SNW1: variants seen among roughly 807,000 people sequenced by gnomAD.
SNW1 encodes SNW domain containing 1.
A neutral mutation model predicts 75.6 loss-of-function variants in SNW1; 9 were observed. That is an observed-to-expected ratio of 0.12 (90% confidence interval 0.07 to 0.21). SNW1 has a LOEUF of 0.21. Ranked by LOEUF, SNW1 falls within the 10% of genes least tolerant of loss-of-function variation. The pLI is 1.00. For missense variants in SNW1, 409 were observed against 670.9 expected (o/e 0.61, Z 4.31); for synonymous variants, 200 against 219.1 (o/e 0.91, Z 0.77).
intron 1 of SNW1, among the ~76,000 whole-genome samples, chr14:77,757,789 A>G (rs2080852657): frequency 6.6e-6 from 1 of 152,162 alleles, no homozygotes; most frequent in Non-Finnish European, 1.5e-5. Context: ...TAAATGTTGT[A>G]GGAGAAATAA....
intron 6 of SNW1, 105 bp downstream of exon 6, chr14:77,736,866 C>T: frequency 2.6e-6 from 2 of 780,176 alleles, no homozygotes; most frequent in Admixed American, 4.1e-5. Flanking sequence ...TAAATGGAAT[C>T]ATACTGTATG....
At chr14:77,736,334 C>T (rs10141070) in intron 6 of SNW1, among the ~76,000 whole-genome samples, 7,848 of 152,118 alleles carry the variant, frequency 0.052, 280 homozygotes, top group South Asian at 0.13. Flanking sequence ...GATCGCCTGA[C>T]GTCAGGAGAT....
At position 77,718,484 on chromosome 14, in the gene SNW1, A is replaced by G; in HGVS notation, c.1295T>C (p.Val432Ala). ...FAGGEDEIYN[V>A]YDQAWRGGKD... Reference sequence around the variant, plus strand: ...ACCACCTCTCCAGGCTTGATCATAAACATTATAAATTTCATCTTCTCCACC... The same window carrying G: ...ACCACCTCTCCAGGCTTGATCATAAGCATTATAAATTTCATCTTCTCCACC... Residue 432 changes from valine (V) to alanine (A), a missense_variant, in exon 13 of 14, where the codon GTT becomes GCT. By Grantham distance (64) the Val-to-Ala change is moderately conservative. Coordinates refer to ENST00000261531, the MANE Select transcript of SNW1 (RefSeq NM_012245.3). 6.2e-7 allele frequency: 1 copy of G among 1,613,806 alleles called. No individual in the cohort carries two copies. Among genetic ancestry groups the G allele is most frequent in the Non-Finnish European group, 8.5e-7 (1 of 1,179,820 alleles).
At position 77,732,404 on chromosome 14, in the gene SNW1, A is replaced by G. The variant is rs183843519; in HGVS notation, c.891+81T>C. ...ACTCTCTTTGGGTGCTCGGTACTAT[A>G]GTTAAATTATCAGTACCTTAGGTAA... is the stretch of plus-strand genomic sequence containing the variant. On this transcript the variant is annotated intron_variant, in intron 9 of 13. Coordinates refer to ENST00000261531, the MANE Select transcript of SNW1 (RefSeq NM_012245.3). The G allele has an allele frequency of 9.1e-4, 741 of 812,056 alleles. 1 individual carries two copies. The highest frequency in any genetic ancestry group is 1.1e-3 in the Non-Finnish European group (530 of 473,696). The allele number at this position is 812,056 out of a possible 1,614,324, so 50.3% of individuals were successfully genotyped here.
chr14:77,723,250 T>A lies in SNW1; in HGVS notation c.1061A>T (p.Glu354Val), dbSNP rs2080557875. 6.2e-7 allele frequency: 1 copy of A among 1,614,034 alleles called. No individual in the cohort carries two copies. Among genetic ancestry groups the A allele is most frequent in the Non-Finnish European group, 8.5e-7 (1 of 1,180,036 alleles). Reference protein sequence around the residue: ...KEDGEARERDEIRHDRRKERQ... With the variant: ...KEDGEARERDVIRHDRRKERQ... ...CTCTTTTCGCCTGTCATGCCGGATT[T>A]CATCCCTCTCACGTGCCTCCCCATC... Residue 354 changes from glutamate (E) to valine (V), a missense_variant, in exon 11 of 14, where the codon GAA (glutamate) becomes GTA (valine). Physicochemically the swap from Glu to Val is moderately radical, Grantham distance 121. Coordinates refer to ENST00000261531, the MANE Select transcript of SNW1 (RefSeq NM_012245.3).
chr14:77,757,785 T>C (rs748983902), intron 1 of SNW1, among the ~76,000 whole-genome samples: 1 of 152,154 alleles, frequency 6.6e-6, no homozygotes, highest in Non-Finnish European at 1.5e-5. Context: ...TCCTTAAATG[T>C]TGTAGGAGAA....
chr14:77,723,037 C>T, intron 11 of SNW1, 144 bp downstream of exon 11: 2 of 661,612 alleles, frequency 3.0e-6, no homozygotes, highest in African/African-American at 3.6e-5. Flanking sequence ...TTAGTAGACA[C>T]AGGGTTTCAT....
At position 77,724,307 on chromosome 14, in the gene SNW1, ATTTG is replaced by A. The variant is rs745449941; in HGVS notation, c.1034-1034_1034-1031del. Among the ~76,000 whole-genome samples the A allele has an allele frequency of 7.9e-5, 12 of 152,348 alleles. No individual in the cohort carries two copies. In the East Asian group the frequency reaches 9.6e-4, roughly 12 times the overall value. On this transcript the variant is annotated intron_variant, in intron 10 of 13. Transcript: ENST00000261531. ...AATTAGGATATCCATCACCTCAAAC[ATTTG>A]TTTGTGTTGGGAACATTCTAAATCT...
At chr14:77,724,318 T>C (rs915442875) in intron 10 of SNW1, among the ~76,000 whole-genome samples, 1 of 152,260 alleles carries the variant, frequency 6.6e-6, no homozygotes, top group Non-Finnish European at 1.5e-5. Context: ...TTTGTTTGTG[T>C]TGGGAACATT....
intron 8 of SNW1, 118 bp from the exon 9 acceptor site, chr14:77,732,719 C>T: frequency 1.5e-6 from 1 of 650,612 alleles, no homozygotes; most frequent in South Asian, 1.8e-5. Flanking sequence ...GGCTGGAGGG[C>T]AGGGGTGCCA....
At chr14:77,729,301 T>C (rs576258497) in intron 10 of SNW1, among the ~76,000 whole-genome samples, 1 of 152,344 alleles carries the variant, frequency 6.6e-6, no homozygotes, top group African/African-American at 2.4e-5. Context: ...CCTTCCCAAC[T>C]GCTTAGGATA....
At chr14:77,737,130 A>G (rs897075548) in intron 5 of SNW1, 55 bp from the exon 6 acceptor site, 2 of 1,254,068 alleles carry the variant, frequency 1.6e-6, no homozygotes, top group Non-Finnish European at 2.3e-6. Context: ...TTCAGTAGGT[A>G]TTTTCCTTCT....
At chr14:77,738,915 G>A in intron 4 of SNW1, 31 bp from the exon 5 acceptor site, 1 of 1,609,528 alleles carries the variant, frequency 6.2e-7, no homozygotes, top group Non-Finnish European at 8.5e-7. Context: ...TTGAGAGTTT[G>A]GAAGTTAATC....
intron 11 of SNW1, chr14:77,722,838 CTTTTTTTT>C (rs773466539): frequency 4.5e-5 from 13 of 287,312 alleles, no homozygotes; most frequent in Admixed American, 2.3e-4. Context: ...TGGTACATAT[CTTTTTTTT>C]TTTTTTTTTT....
At chr14:77,736,548 C>A (rs201267827) in intron 6 of SNW1, among the ~76,000 whole-genome samples, 17 of 141,492 alleles carry the variant, frequency 1.2e-4, no homozygotes, top group South Asian at 2.2e-4. Context: ...GACTGTCTCT[C>A]AAAAAACAAA....
chr14:77,751,833 CACACACACACACCACA>C (rs1017133594), intron 2 of SNW1, among the ~76,000 whole-genome samples: 8 of 123,880 alleles, frequency 6.5e-5, no homozygotes, highest in Admixed American at 9.5e-5. Context: ...CACACACACA[CACACACACACACCACA>C]CACACACACA....
chr14:77,750,224 TAAA>T (rs1291041042), intron 3 of SNW1, among the ~76,000 whole-genome samples: 1 of 151,408 alleles, frequency 6.6e-6, no homozygotes, highest in East Asian at 1.9e-4. Context: ...AAAAATAAAA[TAAA>T]AAAAGATTAG....
chr14:77,731,956 G>C (rs2080630787), intron 9 of SNW1, among the ~76,000 whole-genome samples: 1 of 152,150 alleles, frequency 6.6e-6, no homozygotes, highest in Non-Finnish European at 1.5e-5. Flanking sequence ...GGCTGGTCTT[G>C]AACTCTCAAC....
intron 3 of SNW1, among the ~76,000 whole-genome samples, chr14:77,748,675 C>T (rs1350702333): frequency 6.6e-6 from 1 of 151,974 alleles, no homozygotes; most frequent in Non-Finnish European, 1.5e-5. Context: ...GCAAGCTCTG[C>T]CTCCCAGGTT....
Sources: gnomAD v4.1 joint callset for allele counts (sites outside exome capture counted in the v4.1 genomes callset) on GRCh38, gnomAD v4.1.1 for gene constraint, MANE v1.5 for transcripts, NCBI Gene and HGNC (gene_info 2026-07-23, HGNC 2026-07-21) for gene names.